The following TNKS variants were observed in gnomAD, a reference collection of about 807,000 sequenced individuals.
TNKS encodes the protein poly [ADP-ribose] polymerase tankyrase-1.
Under a neutral mutation model 135.8 loss-of-function variants are expected in TNKS, and 72 were observed. The ratio of observed to expected loss-of-function variants is 0.53; its 90% CI spans 0.44 to 0.64. The LOEUF (loss-of-function observed/expected upper bound fraction) is 0.64. TNKS is among the 30% of genes least tolerant of loss of function. The pLI is 0.00. For missense variants in TNKS, 1,769 were observed against 1,674.0 expected (o/e 1.06, Z -0.99); for synonymous variants, 849 against 649.3 (o/e 1.31, Z -4.68).
intron 26 of TNKS, among the ~76,000 whole-genome samples, chr8:9,775,659 A>G (rs1011939135): frequency 5.9e-5 from 9 of 151,632 alleles, no homozygotes; most frequent in African/African-American, 2.2e-4. Flanking sequence ...TTTTGCATTT[A>G]GTTCTCACAA....
intron 3 of TNKS, among the ~76,000 whole-genome samples, chr8:9,663,166 A>T (rs745978525): frequency 6.6e-6 from 1 of 152,228 alleles, no homozygotes; most frequent in Non-Finnish European, 1.5e-5. Flanking sequence ...CTCCGAAGGA[A>T]CACATCCCTG....
chr8:9,686,965 G>T (rs181536282), intron 5 of TNKS, among the ~76,000 whole-genome samples: 2 of 152,254 alleles, frequency 1.3e-5, no homozygotes, highest in East Asian at 3.9e-4. Flanking sequence ...TTTTTCAGCA[G>T]AGTTAGTAGC....
At chr8:9,705,124 A>G (rs1391828917) in intron 6 of TNKS, among the ~76,000 whole-genome samples, 8 of 152,210 alleles carry the variant, frequency 5.3e-5, no homozygotes, top group Admixed American at 5.2e-4. Flanking sequence ...ATCATCCTTT[A>G]TTGATAAACC....
At chr8:9,609,359 A>G (rs1342371307) in intron 2 of TNKS, among the ~76,000 whole-genome samples, 2 of 152,234 alleles carry the variant, frequency 1.3e-5, no homozygotes, top group African/African-American at 4.8e-5. Context: ...TAGATATCGT[A>G]GACACCCAAA....
intron 3 of TNKS, among the ~76,000 whole-genome samples, chr8:9,635,307 G>A (rs945619597): frequency 6.6e-6 from 1 of 152,202 alleles, no homozygotes; most frequent in African/African-American, 2.4e-5. Flanking sequence ...TATCATAATA[G>A]TGATGGATTG....
intron 1 of TNKS, among the ~76,000 whole-genome samples, chr8:9,570,987 A>C (rs141851258): frequency 1.0e-3 from 155 of 152,302 alleles, no homozygotes; most frequent in African/African-American, 3.6e-3. Context: ...AAAATAAATA[A>C]AAATCAACCA....
intron 18 of TNKS, 93 bp from the exon 19 acceptor site, chr8:9,751,513 AAGG>A: frequency 8.8e-7 from 1 of 1,142,636 alleles, no homozygotes; most frequent in Non-Finnish European, 1.3e-6. Flanking sequence ...GGCATTCATT[AAGG>A]AAAAAATCCA....
At position 9,592,305 on chromosome 8, in the gene TNKS, C is replaced by A. The variant is rs1216540330; in HGVS notation, c.898+11922C>A. Among the ~76,000 whole-genome samples, 4 of 152,118 alleles carry A rather than the reference C, an allele frequency of 2.6e-5. No homozygotes were observed. The East Asian group carries it at 7.7e-4, about 29-fold the overall frequency. ...CTGTTAGCATTGTGAACATTATCTG[C>A]TTTTCAAGGATCAAAAGACTCACAG... On this transcript the variant is annotated intron_variant, in intron 2 of 26. Transcript: ENST00000310430.
chr8:9,580,205 T>C lies in TNKS; in HGVS notation c.720T>C (p.Ala240=), dbSNP rs1798115876. The change falls in exon 2 of 27, where the codon GCT becomes GCC. Residue 240 remains alanine, a synonymous_variant. Coordinates refer to ENST00000310430, the MANE Select transcript of TNKS (RefSeq NM_003747.3). Reference sequence around the variant, plus strand: ...TAGAACACTTACTACAGATGGGTGCTAATGTCCACGCTCGTGATGATGGAG... The same window carrying C: ...TAGAACACTTACTACAGATGGGTGCCAATGTCCACGCTCGTGATGATGGAG... The part of the protein sequence containing the change: ...DVVEHLLQMG[A]NVHARDDGGL... 1 of 1,614,206 alleles carries C rather than the reference T, an allele frequency of 6.2e-7. No individual in the cohort carries two copies. Among genetic ancestry groups the C allele is most frequent in the East Asian group, 2.2e-5 (1 of 44,878 alleles).
At chr8:9,633,491 G>C (rs184790164) in intron 3 of TNKS, among the ~76,000 whole-genome samples, 1 of 152,218 alleles carries the variant, frequency 6.6e-6, no homozygotes, top group East Asian at 1.9e-4. Flanking sequence ...CTTTTTGTCA[G>C]AAACAATAAG....
chr8:9,630,886 T>C (rs1800264741), intron 3 of TNKS, among the ~76,000 whole-genome samples: 1 of 152,236 alleles, frequency 6.6e-6, no homozygotes, highest in Non-Finnish European at 1.5e-5. Context: ...TTTAAAAAAA[T>C]TAAATAATTT....
Position 9,781,026 on chromosome 8 carries a change from G to C in TNKS, c.*4290G>C, listed in dbSNP as rs541903585. The C allele has an allele frequency of 1.3e-5, 2 of 152,242 alleles. No homozygotes were observed. Among genetic ancestry groups the C allele is most frequent in the African/African-American group, 4.8e-5 (2 of 41,536 alleles). The allele number at this position is 152,242 out of a possible 1,614,324, so 9.4% of individuals were successfully genotyped here. A position where few individuals can be genotyped will look rare whatever the true frequency, so the allele number is the denominator to read the frequency against. On this transcript the variant is annotated 3_prime_UTR_variant, in exon 27 of 27. Transcript: ENST00000310430. ...TTAATTGTTTTAAAATGTAAATTATGGTTATGCTAAAGTGAAAACCTAGAG... is the reference window on the plus strand; with the variant it reads ...TTAATTGTTTTAAAATGTAAATTATCGTTATGCTAAAGTGAAAACCTAGAG...
chr8:9,647,482 A>G (rs1339237745), intron 3 of TNKS, among the ~76,000 whole-genome samples: 1 of 152,196 alleles, frequency 6.6e-6, no homozygotes, highest in Non-Finnish European at 1.5e-5. Flanking sequence ...CGGAAAAGTA[A>G]AATACTCTAA....
intron 3 of TNKS, among the ~76,000 whole-genome samples, chr8:9,666,069 T>G (rs1043182718): frequency 2.0e-5 from 3 of 152,090 alleles, no homozygotes; most frequent in African/African-American, 7.2e-5. Flanking sequence ...TCAGCGCAAA[T>G]TTGCTCCTAC....
intron 3 of TNKS, among the ~76,000 whole-genome samples, chr8:9,647,161 T>G (rs969643239): frequency 6.6e-6 from 1 of 152,208 alleles, no homozygotes; most frequent in Non-Finnish European, 1.5e-5. Flanking sequence ...CAAACACGCA[T>G]AGAAACAGAC....
At chr8:9,567,264 G>A (rs1797578739) in intron 1 of TNKS, among the ~76,000 whole-genome samples, 1 of 152,150 alleles carries the variant, frequency 6.6e-6, no homozygotes, top group Admixed American at 6.5e-5. Flanking sequence ...GTATGGTATT[G>A]GAACATTTGC....
chr8:9,749,421 C>A (rs1360785011), intron 18 of TNKS, among the ~76,000 whole-genome samples: 1 of 151,938 alleles, frequency 6.6e-6, no homozygotes, highest in East Asian at 1.9e-4. Flanking sequence ...AGTTCTGCTC[C>A]CAGGGAGTGG....
At position 9,763,212 on chromosome 8, in the gene TNKS, G is replaced by GAAGAT; in HGVS notation, c.3343_3347dup (p.Glu1117IlefsTer44). 6.2e-7 allele frequency: 1 copy of GAAGAT among 1,607,388 alleles called. No homozygotes were observed. Among genetic ancestry groups the GAAGAT allele is most frequent in the Non-Finnish European group, 8.5e-7 (1 of 1,175,762 alleles). On this transcript the variant is annotated frameshift_variant, in exon 22 of 27. Transcript: ENST00000310430. LOFTEE classifies it high-confidence loss of function. The stretch of plus-strand genomic sequence containing the variant: ...AACGATTTTGCTGGATCTTGCTCCA[G>GAAGAT]AAGATAAAGAATATCAGTCAGTGGA...
intron 2 of TNKS, among the ~76,000 whole-genome samples, chr8:9,589,316 A>G (rs1050035153): frequency 1.3e-5 from 2 of 152,200 alleles, no homozygotes; most frequent in Non-Finnish European, 2.9e-5. Context: ...AATGAAAGGT[A>G]TTGTTTATAA....
Sources: gnomAD v4.1 joint callset for allele counts (sites outside exome capture counted in the v4.1 genomes callset) on GRCh38, gnomAD v4.1.1 for gene constraint, MANE v1.5 for transcripts, NCBI Gene and HGNC (gene_info 2026-07-23, HGNC 2026-07-21) for gene names.